Variants in SOX6 observed in about 807,000 individuals in gnomAD.
SOX6 encodes transcription factor SOX-6.
Under a neutral mutation model 97.8 loss-of-function variants are expected in SOX6, and 11 were observed. The ratio of observed to expected loss-of-function variants is 0.11; its 90% CI spans 0.07 to 0.19. The LOEUF is 0.19. Ranked by LOEUF, SOX6 falls within the 10% of genes least tolerant of loss-of-function variation. The probability of loss-of-function intolerance (pLI) is 1.00; values close to 1 mark genes in which losing one functional copy is unlikely to be tolerated. For missense variants in SOX6, 810 were observed against 1,039.5 expected (o/e 0.78, Z 3.04); for synonymous variants, 360 against 371.4 (o/e 0.97, Z 0.35).
Position 16,049,842 on chromosome 11 carries a change from C to T in SOX6, c.1348G>A (p.Ala450Thr). ...AGATTGACAGGGCTGGTTTTGCTGG[C>T]TGGGAAGAGGTTCTGGGTGGGAGAC... ...PTSPTQNLFP[A>T]SKTSPVNLPN... The change falls in exon 11 of 16, where the codon GCC (alanine) becomes ACC (threonine). Residue 450 changes from alanine to threonine, a missense_variant. Physicochemically the swap from Ala to Thr is moderately conservative, Grantham distance 58. Transcript: ENST00000683767. The T allele has an allele frequency of 6.2e-7, 1 of 1,613,618 alleles. No homozygotes were observed. Among genetic ancestry groups the T allele is most frequent in the Non-Finnish European group, 8.5e-7 (1 of 1,179,752 alleles).
chr11:16,374,856 A>T (rs7925853), intron 1 of SOX6, among the ~76,000 whole-genome samples: 6,978 of 152,104 alleles, frequency 0.046, 510 homozygotes, highest in African/African-American at 0.15. Flanking sequence ...TTCCTTTCAT[A>T]TTCACATTCT....
intron 6 of SOX6, among the ~76,000 whole-genome samples, chr11:16,134,079 C>A (rs1849891849): frequency 6.6e-6 from 1 of 152,188 alleles, no homozygotes; most frequent in South Asian, 2.1e-4. Flanking sequence ...TGGCAATGTG[C>A]CAGGCACTTT....
chr11:16,309,446 T>C (rs1191903307), intron 3 of SOX6, among the ~76,000 whole-genome samples: 1 of 152,106 alleles, frequency 6.6e-6, no homozygotes. Context: ...TTTATGAAGT[T>C]TGAAAACAAG....
At chr11:16,735,488 A>G (rs888169126) in intron 2 of SOX6, among the ~76,000 whole-genome samples, 2 of 152,156 alleles carry the variant, frequency 1.3e-5, no homozygotes, top group Non-Finnish European at 2.9e-5. Context: ...TCTTTGCAGT[A>G]AAGGATTATG....
At chr11:16,272,841 A>T (rs1355990527) in intron 3 of SOX6, among the ~76,000 whole-genome samples, 2 of 151,896 alleles carry the variant, frequency 1.3e-5, no homozygotes, top group African/African-American at 4.8e-5. Context: ...CTTATAGCAG[A>T]TGTGCTATAA....
intron 3 of SOX6, among the ~76,000 whole-genome samples, chr11:16,260,664 C>T (rs1853860374): frequency 6.6e-6 from 1 of 152,210 alleles, no homozygotes; most frequent in Admixed American, 6.5e-5. Context: ...ATGACACCTT[C>T]TATGTGACCA....
chr11:16,534,939 G>A (rs1239072445), intron 4 of SOX6, among the ~76,000 whole-genome samples: 1 of 152,196 alleles, frequency 6.6e-6, no homozygotes, highest in African/African-American at 2.4e-5. Context: ...AATTGCTGAA[G>A]AGGGAAAGAT....
Position 16,329,348 on chromosome 11 carries a change from G to A in SOX6, c.238-10695C>T, listed in dbSNP as rs866324282. On this transcript the variant is annotated intron_variant, in intron 2 of 15. Coordinates refer to ENST00000683767, the MANE Select transcript of SOX6 (RefSeq NM_001367873.1). The stretch of plus-strand genomic sequence containing the variant: ...AACATCCCCAAACCTGTCAAGACAG[G>A]GACATAGAAAAGCCCTGCATTATCT... Among the ~76,000 whole-genome samples, 6 of 152,022 alleles carry A rather than the reference G, an allele frequency of 3.9e-5. No individual in the cohort carries two copies. The South Asian group carries it at 1.2e-3, about 32-fold the overall frequency.
intron 3 of SOX6, among the ~76,000 whole-genome samples, chr11:16,686,898 G>A (rs996975059): frequency 1.3e-5 from 2 of 152,156 alleles, no homozygotes; most frequent in Non-Finnish European, 1.5e-5. Context: ...GGGAGGCAGA[G>A]GTTACAGTGA....
At chr11:16,350,346 G>C (rs1037873943) in intron 1 of SOX6, among the ~76,000 whole-genome samples, 2 of 152,166 alleles carry the variant, frequency 1.3e-5, no homozygotes, top group Non-Finnish European at 2.9e-5. Flanking sequence ...GTCTCTAGCT[G>C]CACGTTTTAT....
intron 15 of SOX6, 78 bp from the exon 16 acceptor site, chr11:15,973,190 C>T (rs1853370100): frequency 1.4e-6 from 2 of 1,395,768 alleles, no homozygotes; most frequent in Admixed American, 1.9e-5. Context: ...GGAATTCACA[C>T]CCTACACTTT....
chr11:16,038,049 C>T (rs1263396169), intron 12 of SOX6, among the ~76,000 whole-genome samples: 6 of 151,830 alleles, frequency 4.0e-5, no homozygotes, highest in African/African-American at 1.5e-4. Context: ...AATAACAATA[C>T]AAATAATAGA....
At position 15,990,101 on chromosome 11, in the gene SOX6, T is replaced by C. The variant is rs79194366; in HGVS notation, c.1733-871A>G. ...GTGATGCTCCCCAGGCTGCACTCAG[T>C]CCTCTTGCTTTCAGGAGACATGCCC... On this transcript the variant is annotated intron_variant, in intron 13 of 15. Transcript: ENST00000683767. Among the ~76,000 whole-genome samples, 377 of 152,108 alleles carry C rather than the reference T, an allele frequency of 2.5e-3. 3 individuals are homozygous for C. Among genetic ancestry groups the C allele is most frequent in the African/African-American group, 8.6e-3 (358 of 41,506 alleles).
chr11:16,212,658 A>G (rs1852262568), intron 4 of SOX6, among the ~76,000 whole-genome samples: 1 of 152,218 alleles, frequency 6.6e-6, no homozygotes, highest in Non-Finnish European at 1.5e-5. Context: ...TTTGCTAGAT[A>G]TAGCTAAACT....
intron 3 of SOX6, among the ~76,000 whole-genome samples, chr11:16,245,948 T>G (rs966981096): frequency 6.6e-6 from 1 of 151,466 alleles, no homozygotes; most frequent in African/African-American, 2.4e-5. Flanking sequence ...AACTGTTAAG[T>G]CTACCATCTT....
intron 3 of SOX6, chr11:16,312,263 TAATCACAATAATTATTACCTAAAG>T (rs1855625665): frequency 1.3e-5 from 2 of 152,042 alleles, no homozygotes; most frequent in African/African-American, 4.8e-5. Flanking sequence ...CACTCTCTCC[TAATCACAATAATTATTACCTAAAG>T]AATAAGTTTT....
intron 6 of SOX6, among the ~76,000 whole-genome samples, chr11:16,132,390 G>GAAA (rs1351876910): frequency 1.4e-5 from 1 of 71,068 alleles, no homozygotes; most frequent in Non-Finnish European, 2.6e-5. Flanking sequence ...AAGAAAGAAA[G>GAAA]AAAGAAAGAA....
chr11:16,548,062 A>C (rs1349113025), intron 4 of SOX6, among the ~76,000 whole-genome samples: 1 of 152,188 alleles, frequency 6.6e-6, no homozygotes, highest in Non-Finnish European at 1.5e-5. Flanking sequence ...AGGAACAAAA[A>C]TGAGAGTGAC....
chr11:16,001,694 G>A (rs1854412571), intron 13 of SOX6, among the ~76,000 whole-genome samples: 1 of 152,150 alleles, frequency 6.6e-6, no homozygotes, highest in Non-Finnish European at 1.5e-5. Flanking sequence ...CTGTCTAATT[G>A]TTCTCTGAAA....
Sources: gnomAD v4.1 joint callset for allele counts (sites outside exome capture counted in the v4.1 genomes callset) on GRCh38, gnomAD v4.1.1 for gene constraint, MANE v1.5 for transcripts, NCBI Gene and HGNC (gene_info 2026-07-23, HGNC 2026-07-21) for gene names.